Variants in UBAP1 observed in about 807,000 individuals in gnomAD.
UBAP1 encodes ubiquitin-associated protein 1.
A neutral mutation model predicts 39.0 loss-of-function variants in UBAP1; 5 were observed. That is an observed-to-expected ratio of 0.13 (90% CI 0.07 to 0.27). UBAP1 has a LOEUF of 0.27. UBAP1 is among the 10% of genes least tolerant of loss of function. The pLI is 1.00. For missense variants in UBAP1, 490 were observed against 608.1 expected (o/e 0.81, Z 2.04); for synonymous variants, 211 against 225.1 (o/e 0.94, Z 0.56).
chr9:34,251,638 G>T lies in UBAP1; in HGVS notation c.*106G>T. On this transcript the variant is annotated 3_prime_UTR_variant, in exon 7 of 7. Coordinates refer to ENST00000297661, the MANE Select transcript of UBAP1 (RefSeq NM_016525.5). ...GGGCAGCTTCCGGATTTTCTTTTGG[G>T]GGTTAGAAGGTCAGGTGTGGAGACT... 1.5e-6 allele frequency: 2 copies of T among 1,304,648 alleles called. No homozygotes were observed. The highest frequency in any genetic ancestry group is 1.5e-5 in the South Asian group (1 of 68,446). The allele number at this position is 1,304,648 out of a possible 1,614,324, so 80.8% of individuals were successfully genotyped here. A position where few individuals can be genotyped will look rare whatever the true frequency, so the allele number is the denominator to read the frequency against.
At chr9:34,234,094 G>A (rs933774448) in intron 2 of UBAP1, 122 bp from the exon 3 acceptor site, 86 of 952,712 alleles carry the variant, frequency 9.0e-5, no homozygotes, top group Admixed American at 1.3e-4. Context: ...GTCAGAGAAG[G>A]AACTCTGTAA....
rs371173828 is a variant in UBAP1, at chr9:34,250,705, C to T, written c.1314C>T (p.Phe438=). 145 of 1,613,586 alleles carry T rather than the reference C, an allele frequency of 9.0e-5. No individual in the cohort carries two copies. Among genetic ancestry groups the T allele is most frequent in the Non-Finnish European group, 1.1e-4 (129 of 1,179,724 alleles). Residue 438 remains phenylalanine, a synonymous_variant, in exon 6 of 7, where the codon TTC becomes TTT. Transcript: ENST00000297661. Reference sequence around the variant, plus strand: ...ATGGACAGCTTTGTGAGAAGGGCTTCGACCCTCTTTTAGTGGAAGAGGCTC... The same window carrying T: ...ATGGACAGCTTTGTGAGAAGGGCTTTGACCCTCTTTTAGTGGAAGAGGCTC... ...FAHGQLCEKG[F]DPLLVEEALE...
At chr9:34,218,087 C>T (rs1352800045) in intron 1 of UBAP1, among the ~76,000 whole-genome samples, 1 of 150,244 alleles carries the variant, frequency 6.7e-6, no homozygotes, top group East Asian at 1.9e-4. Context: ...CCCGTCTCTA[C>T]TAAAAATACA....
rs149158806 is a variant in UBAP1, at chr9:34,209,841, T to C, written c.-7-11067T>C. On this transcript the variant is annotated intron_variant, in intron 1 of 6. Coordinates refer to ENST00000297661, the MANE Select transcript of UBAP1 (RefSeq NM_016525.5). Reference sequence around the variant, plus strand: ...AAAGTATGTGTGTGTTGATCATAGATAAATGTATGCATCTATGCTCAGTAC... The same window carrying C: ...AAAGTATGTGTGTGTTGATCATAGACAAATGTATGCATCTATGCTCAGTAC... 3.5e-3 allele frequency among the ~76,000 whole-genome samples: 535 copies of C among 152,258 alleles called. 6 individuals carry two copies. Among genetic ancestry groups the C allele is most frequent in the African/African-American group, 0.012 (500 of 41,546 alleles).
chr9:34,195,944 T>G (rs1831024351), intron 1 of UBAP1, among the ~76,000 whole-genome samples: 2 of 118,010 alleles, frequency 1.7e-5, no homozygotes, highest in Admixed American at 9.2e-5. Flanking sequence ...TTTTTTTTTT[T>G]TTTTTTTTTT....
chr9:34,219,338 C>A (rs1027367988), intron 1 of UBAP1, among the ~76,000 whole-genome samples: 1 of 152,110 alleles, frequency 6.6e-6, no homozygotes, highest in African/African-American at 2.4e-5. Flanking sequence ...ATCCACCTGC[C>A]TCAGCCTTCC....
chr9:34,246,619 T>TAAAG (rs1834189211), intron 4 of UBAP1, among the ~76,000 whole-genome samples: 2 of 152,228 alleles, frequency 1.3e-5, no homozygotes, highest in Admixed American at 1.3e-4. Flanking sequence ...GCAGTGTGAC[T>TAAAG]AAAGCTCTGT....
At chr9:34,185,553 G>T (rs1269725157) in intron 1 of UBAP1, among the ~76,000 whole-genome samples, 2 of 150,360 alleles carry the variant, frequency 1.3e-5, no homozygotes, top group East Asian at 4.0e-4. Flanking sequence ...TACCTCAAAA[G>T]AAATAATCTC....
intron 2 of UBAP1, among the ~76,000 whole-genome samples, chr9:34,226,136 TG>T (rs1370863443): frequency 6.7e-6 from 1 of 149,922 alleles, no homozygotes; most frequent in African/African-American, 2.5e-5. Flanking sequence ...TGTGTGTGTG[TG>T]TGTGTGTGTG....
intron 3 of UBAP1, among the ~76,000 whole-genome samples, chr9:34,235,055 G>GTGTT (rs1039933456): frequency 8.8e-4 from 134 of 152,160 alleles, no homozygotes; most frequent in African/African-American, 3.0e-3. Context: ...GCTGATGTGT[G>GTGTT]TGTGGCTTCA....
intron 1 of UBAP1, among the ~76,000 whole-genome samples, chr9:34,180,398 C>CG (rs1372955720): frequency 3.9e-5 from 6 of 151,924 alleles, no homozygotes; most frequent in African/African-American, 1.5e-4. Flanking sequence ...ATCCCAGCTA[C>CG]TCGGGTGGCC....
intron 2 of UBAP1, among the ~76,000 whole-genome samples, chr9:34,232,830 T>G (rs1349602411): frequency 2.0e-5 from 3 of 152,240 alleles, no homozygotes; most frequent in Non-Finnish European, 2.9e-5. Context: ...CTGCCAATGT[T>G]GAAAAACAAA....
intron 1 of UBAP1, among the ~76,000 whole-genome samples, chr9:34,184,309 A>G (rs1317823773): frequency 2.6e-5 from 4 of 151,538 alleles, no homozygotes; most frequent in South Asian, 2.1e-4. Context: ...CAGGATTGTT[A>G]AACACTTTCT....
At chr9:34,180,731 A>T (rs1218197890) in intron 1 of UBAP1, among the ~76,000 whole-genome samples, 1 of 152,068 alleles carries the variant, frequency 6.6e-6, no homozygotes, top group Non-Finnish European at 1.5e-5. Flanking sequence ...TTAGTGAGTG[A>T]CCATCGCTGT....
intron 1 of UBAP1, among the ~76,000 whole-genome samples, chr9:34,179,893 C>A (rs141176386): frequency 1.3e-5 from 2 of 152,164 alleles, no homozygotes; most frequent in South Asian, 4.1e-4. Context: ...ACCTTTGTTG[C>A]CAAATGTAAT....
chr9:34,213,978 T>A (rs563042209), intron 1 of UBAP1, among the ~76,000 whole-genome samples: 11 of 150,398 alleles, frequency 7.3e-5, no homozygotes, highest in African/African-American at 2.7e-4. Flanking sequence ...TCAAAAGACC[T>A]CTACAAGGAA....
chr9:34,202,660 T>TGTGTGTGTGTGTGTGTGTGC (rs1831456861), intron 1 of UBAP1, among the ~76,000 whole-genome samples: 1 of 147,568 alleles, frequency 6.8e-6, no homozygotes, highest in African/African-American at 2.5e-5. Flanking sequence ...TGTGTGTGTG[T>TGTGTGTGTGTGTGTGTGTGC]GTGTGTGTGT....
At chr9:34,232,643 G>C (rs567501624) in intron 2 of UBAP1, among the ~76,000 whole-genome samples, 5 of 152,180 alleles carry the variant, frequency 3.3e-5, no homozygotes, top group Admixed American at 1.3e-4. Flanking sequence ...CCTATCCCAG[G>C]AAATGGGAGT....
At chr9:34,182,090 C>T (rs932640437) in intron 1 of UBAP1, among the ~76,000 whole-genome samples, 8 of 149,792 alleles carry the variant, frequency 5.3e-5, no homozygotes, top group African/African-American at 1.2e-4. Context: ...AGCTAGTGCA[C>T]GTATTTTTGA....
Sources: gnomAD v4.1 joint callset for allele counts (sites outside exome capture counted in the v4.1 genomes callset) on GRCh38, gnomAD v4.1.1 for gene constraint, MANE v1.5 for transcripts, NCBI Gene and HGNC (gene_info 2026-07-23, HGNC 2026-07-21) for gene names.